EFR3A: variants seen among roughly 807,000 people sequenced by gnomAD.
EFR3A encodes the protein protein EFR3 homolog A.
EFR3A carries 76 observed loss-of-function variants against 104.4 expected under a neutral mutation model. The observed-to-expected ratio is 0.73, with a 90% CI of 0.60 to 0.88. The LOEUF is 0.88. Ranked by LOEUF, EFR3A falls within the 40% of genes least tolerant of loss-of-function variation. The pLI is 0.00. For missense variants in EFR3A, 985 were observed against 1,012.5 expected, an observed-to-expected ratio of 0.97 and a Z score of 0.37; for synonymous variants, 330 against 330.0, an observed-to-expected ratio of 1.00 and a Z score of 0.00.
rs779580311 is a variant in EFR3A at position 132,002,691 on chromosome 8, A to T, written c.2295A>T (p.Ala765=). ...FQKAPFEEIA[A]QCESKANLLH... ...AAGCACCTTTTGAAGAAATAGCAGC[A>T]CAGTGTGAATCCAAAGTAAGTGAAG... The change falls in exon 21 of 23, where the codon GCA becomes GCT. Residue 765 remains alanine (A), a synonymous_variant. Transcript: ENST00000254624. 1 of 1,613,524 alleles carries T rather than the reference A, an allele frequency of 6.2e-7. No individual in the cohort carries two copies. The highest frequency in any genetic ancestry group is 2.2e-5 in the East Asian group (1 of 44,870).
At chr8:131,954,019 T>A in intron 6 of EFR3A, 52 bp downstream of exon 6, 1 of 1,410,076 alleles carries the variant, frequency 7.1e-7, no homozygotes, top group Non-Finnish European at 9.4e-7. Context: ...TATATATGTA[T>A]GTGTGTTTCC....
intron 6 of EFR3A, among the ~76,000 whole-genome samples, chr8:131,954,278 T>A (rs1818864950): frequency 6.6e-6 from 1 of 152,088 alleles, no homozygotes; most frequent in Non-Finnish European, 1.5e-5. Context: ...AAGTTGCAAA[T>A]GTGAGAAACA....
At chr8:131,940,597 G>T (rs546942635) in intron 2 of EFR3A, 22 bp downstream of exon 2, 5 of 1,592,624 alleles carry the variant, frequency 3.1e-6, no homozygotes, top group African/African-American at 2.7e-5. Context: ...TACATCTACT[G>T]ATCCTTCTCT....
Position 131,904,208 on chromosome 8 carries a change from T to C in EFR3A, c.-105T>C. The C allele has an allele frequency of 8.2e-7, 1 of 1,216,254 alleles. No individual in the cohort carries two copies. The highest frequency in any genetic ancestry group is 1.0e-6 in the Non-Finnish European group (1 of 966,132). The allele number at this position is 1,216,254 out of a possible 1,614,324, so 75.3% of individuals were successfully genotyped here. ...CACCCTTCGCCCTTCGCCCTTCGCC[T>C]CGTTCCGGCCTCCGCGGCCCAGCAA... is the stretch of plus-strand genomic sequence containing the variant. On this transcript the variant is annotated 5_prime_UTR_variant, in exon 1 of 23. Transcript: ENST00000254624.
chr8:131,981,414 GT>G (rs1402495639), intron 14 of EFR3A, among the ~76,000 whole-genome samples: 1 of 151,958 alleles, frequency 6.6e-6, no homozygotes, highest in African/African-American at 2.4e-5. Context: ...CTAAGCATTT[GT>G]TGTCATTAAT....
At chr8:131,941,717 T>C (rs548179845) in intron 2 of EFR3A, among the ~76,000 whole-genome samples, 6 of 152,118 alleles carry the variant, frequency 3.9e-5, no homozygotes, top group African/African-American at 1.4e-4. Flanking sequence ...TCACTGTGGG[T>C]TGGGAACCTC....
At chr8:131,997,266 A>T (rs2130792926) in intron 19 of EFR3A, among the ~76,000 whole-genome samples, 1 of 152,194 alleles carries the variant, frequency 6.6e-6, no homozygotes, top group South Asian at 2.1e-4. Flanking sequence ...TAAGTATTTT[A>T]TTATTTCTCA....
At chr8:131,931,053 G>T (rs1012493632) in intron 1 of EFR3A, among the ~76,000 whole-genome samples, 1 of 152,070 alleles carries the variant, frequency 6.6e-6, no homozygotes, top group African/African-American at 2.4e-5. Context: ...AATGAACGTG[G>T]GTGTGCATGA....
At chr8:132,000,437 G>T (rs1392632480) in intron 19 of EFR3A, among the ~76,000 whole-genome samples, 3 of 152,104 alleles carry the variant, frequency 2.0e-5, no homozygotes, top group Non-Finnish European at 2.9e-5. Context: ...CGACTTGGGG[G>T]TTCTTGATGC....
At chr8:131,981,242 G>A (rs568899118) in intron 14 of EFR3A, among the ~76,000 whole-genome samples, 1 of 152,010 alleles carries the variant, frequency 6.6e-6, no homozygotes, top group South Asian at 2.1e-4. Context: ...TCCATTATAA[G>A]TTATAGAAAT....
chr8:132,003,130 C>A, intron 21 of EFR3A, 106 bp from the exon 22 acceptor site: 1 of 855,640 alleles, frequency 1.2e-6, no homozygotes, highest in Non-Finnish European at 1.8e-6. Flanking sequence ...AATAATTAAT[C>A]AGCTTAATAG....
chr8:131,959,678 A>G lies in EFR3A; in HGVS notation c.855+15A>G. On this transcript the variant is annotated intron_variant, in intron 8 of 22. Coordinates refer to ENST00000254624, the MANE Select transcript of EFR3A (RefSeq NM_015137.6). Reference sequence around the variant, plus strand: ...ATTCCATTCAGGTAAGGTTTGATTAACTATTTACTGTATTTATATAAGTAA... The same window carrying G: ...ATTCCATTCAGGTAAGGTTTGATTAGCTATTTACTGTATTTATATAAGTAA... 1.3e-6 allele frequency: 2 copies of G among 1,583,436 alleles called. No homozygotes were observed. Among genetic ancestry groups the G allele is most frequent in the Non-Finnish European group, 8.6e-7 (1 of 1,160,104 alleles).
chr8:131,931,054 G>T (rs1281210052), intron 1 of EFR3A, among the ~76,000 whole-genome samples: 1 of 152,106 alleles, frequency 6.6e-6, no homozygotes, highest in Admixed American at 6.6e-5. Context: ...ATGAACGTGG[G>T]TGTGCATGAG....
intron 9 of EFR3A, among the ~76,000 whole-genome samples, chr8:131,970,063 A>G (rs1002321390): frequency 1.3e-5 from 2 of 152,224 alleles, no homozygotes; most frequent in South Asian, 4.1e-4. Context: ...CTCAAAAGAT[A>G]CAAAATAAAT....
At chr8:131,928,466 A>G (rs1817418170) in intron 1 of EFR3A, among the ~76,000 whole-genome samples, 1 of 152,262 alleles carries the variant, frequency 6.6e-6, no homozygotes, top group South Asian at 2.1e-4. Flanking sequence ...TAAATTCTGT[A>G]TTTTAGATAG....
chr8:131,998,771 TGAGA>T (rs1821631805), intron 19 of EFR3A, among the ~76,000 whole-genome samples: 1 of 152,182 alleles, frequency 6.6e-6, no homozygotes, highest in Admixed American at 6.5e-5. Flanking sequence ...GAGGGAGATT[TGAGA>T]GACTCAAGGT....
chr8:131,934,050 GGAAA>G (rs1817747938), intron 1 of EFR3A, among the ~76,000 whole-genome samples: 1 of 152,024 alleles, frequency 6.6e-6, no homozygotes, highest in Non-Finnish European at 1.5e-5. Context: ...GATTATATGT[GGAAA>G]GAATCATGTA....
intron 1 of EFR3A, among the ~76,000 whole-genome samples, chr8:131,922,995 A>G (rs575784362): frequency 6.6e-6 from 1 of 152,270 alleles, no homozygotes; most frequent in South Asian, 2.1e-4. Context: ...TTCTATTGAG[A>G]CAACAATGTT....
chr8:131,989,627 G>A (rs1821064410), intron 18 of EFR3A, among the ~76,000 whole-genome samples: 1 of 152,112 alleles, frequency 6.6e-6, no homozygotes, highest in Non-Finnish European at 1.5e-5. Flanking sequence ...CAGGCATCCA[G>A]AAAGATCCAG....
Sources: allele counts gnomAD v4.1 joint callset (sites outside exome capture counted in the v4.1 genomes callset), GRCh38; gene constraint gnomAD v4.1.1; transcripts MANE v1.5; gene names NCBI Gene and HGNC (gene_info 2026-07-23, HGNC 2026-07-21).